TPPP: variants seen among roughly 807,000 people sequenced by gnomAD.
The protein encoded by TPPP is tubulin polymerization promoting protein, also known as tubulin polymerization-promoting protein.
TPPP carries 6 observed loss-of-function variants against 15.5 expected under a neutral mutation model. That is an observed-to-expected ratio of 0.39 (90% CI 0.21 to 0.77). TPPP has a LOEUF of 0.77. TPPP is among the 30% of genes least tolerant of loss of function. TPPP has a pLI of 0.42. For synonymous variants in TPPP, 146 were observed against 133.9 expected (o/e 1.09, Z -0.63); for missense variants, 269 against 307.2 (o/e 0.88, Z 0.93).
chr5:683,457 G>A (rs1376528912), intron 1 of TPPP, among the ~76,000 whole-genome samples: 2 of 152,200 alleles, frequency 1.3e-5, no homozygotes, highest in Non-Finnish European at 1.5e-5. Flanking sequence ...GGCAGGAGCC[G>A]ATGCTCGTGC....
rs1491107685 is a variant in TPPP, at chr5:660,202, C to CAT, written c.*4899_*4900insAT. The stretch of plus-strand genomic sequence containing the variant: ...AATCACACAGTGTAAAAATATATTG[C>CAT]ACATATATATATATATATATATATA... On this transcript the variant is annotated 3_prime_UTR_variant, in exon 4 of 4. Transcript: ENST00000360578. 1 of 108,718 alleles carries CAT rather than the reference C, an allele frequency of 9.2e-6. No individual in the cohort carries two copies. The highest frequency in any genetic ancestry group is 4.5e-5 in the African/African-American group (1 of 22,410). 6.7% of individuals were successfully genotyped at this position (108,718 alleles called of 1,614,324 possible). A position where few individuals can be genotyped will look rare whatever the true frequency, so the allele number is the denominator to read the frequency against.
Position 693,330 on chromosome 5 carries a change from G to T in TPPP, c.-57C>A. 6.7e-6 allele frequency: 1 copy of T among 150,258 alleles called. No individual in the cohort carries two copies. The highest frequency in any genetic ancestry group is 1.8e-4 in the South Asian group (1 of 5,562). The allele number at this position is 150,258 out of a possible 1,614,324, so 9.3% of individuals were successfully genotyped here. On this transcript the variant is annotated 5_prime_UTR_variant, in exon 1 of 4. Coordinates refer to ENST00000360578, the MANE Select transcript of TPPP (RefSeq NM_007030.3). ...GCGCCTCCGCGACTCGGCCGCGCGC[G>T]ACCCGGTGCTCAGCGGAGCTCTCCA...
At chr5:679,367 G>T (rs1347205086) in intron 1 of TPPP, among the ~76,000 whole-genome samples, 1 of 148,756 alleles carries the variant, frequency 6.7e-6, no homozygotes, top group Non-Finnish European at 1.5e-5. Context: ...AGGATGCAGG[G>T]GCAGGATCCT....
upstream of TPPP, among the ~76,000 whole-genome samples, chr5:698,014 G>T (rs544954609): frequency 6.9e-6 from 1 of 144,840 alleles, no homozygotes. Context: ...TCCCAGGGAC[G>T]CAAATCAATA....
chr5:697,224 G>A (rs1325971436), upstream of TPPP, among the ~76,000 whole-genome samples: 8 of 151,284 alleles, frequency 5.3e-5, no homozygotes, highest in Non-Finnish European at 1.0e-4. Context: ...CCCAGAGAAC[G>A]GCAGGTGAGC....
At chr5:686,009 G>A (rs1444607347) in intron 1 of TPPP, among the ~76,000 whole-genome samples, 1 of 152,202 alleles carries the variant, frequency 6.6e-6, no homozygotes, top group Non-Finnish European at 1.5e-5. Flanking sequence ...GTGCCAACAG[G>A]GCTCCCGGAC....
chr5:676,869 CAG>C (rs1437514996), intron 2 of TPPP, among the ~76,000 whole-genome samples: 3 of 148,116 alleles, frequency 2.0e-5, no homozygotes, highest in African/African-American at 7.7e-5. Context: ...ACACACGACG[CAG>C]AAACATGCAC....
Position 665,237 on chromosome 5 carries a change from GGAGCCCGT to G in TPPP, c.517_524del (p.Thr173ProfsTer118). 6.2e-7 allele frequency: 1 copy of G among 1,613,856 alleles called. No homozygotes were observed. Among genetic ancestry groups the G allele is most frequent in the East Asian group, 2.2e-5 (1 of 44,858 alleles). On this transcript the variant is annotated frameshift_variant, in exon 4 of 4. Coordinates refer to ENST00000360578, the MANE Select transcript of TPPP (RefSeq NM_007030.3). LOFTEE classifies it high-confidence loss of function. ...CAGAGGGGTCGAAGCGCTCCTTGTG[GGAGCCCGT>G]GAACTTGGTGGTGTCCGTGAGCCTC...
chr5:681,207 C>A (rs1449107781), intron 1 of TPPP, among the ~76,000 whole-genome samples: 2 of 152,168 alleles, frequency 1.3e-5, no homozygotes, highest in Admixed American at 6.5e-5. Flanking sequence ...CACACCTGAG[C>A]CCTGGGTGCA....
chr5:665,420 G>T, intron 3 of TPPP, 124 bp from the exon 4 acceptor site: 1 of 843,228 alleles, frequency 1.2e-6, no homozygotes, highest in African/African-American at 1.7e-5. Context: ...CATAAACCCT[G>T]GGATTTATGC....
At chr5:666,648 G>T (rs1214098786) in intron 2 of TPPP, among the ~76,000 whole-genome samples, 1 of 152,242 alleles carries the variant, frequency 6.6e-6, no homozygotes, top group Non-Finnish European at 1.5e-5. Context: ...GCCCCGCTGT[G>T]CCCTTGCACT....
At chr5:676,926 G>A (rs575252023) in intron 2 of TPPP, among the ~76,000 whole-genome samples, 60 of 142,086 alleles carry the variant, frequency 4.2e-4, no homozygotes, top group African/African-American at 1.5e-3. Context: ...ACGCAGAAAC[G>A]CACGCGCGCA....
At chr5:676,811 AACACATGC>A (rs777787478) in intron 2 of TPPP, among the ~76,000 whole-genome samples, 6 of 151,864 alleles carry the variant, frequency 4.0e-5, no homozygotes, top group Admixed American at 6.5e-5. Flanking sequence ...CACATGCAGA[AACACATGC>A]ACACATGCGC....
intron 2 of TPPP, among the ~76,000 whole-genome samples, chr5:672,179 G>T (rs763178622): frequency 6.6e-6 from 1 of 152,178 alleles, no homozygotes; most frequent in Non-Finnish European, 1.5e-5. Context: ...CTCCACACTT[G>T]GGGTGACCAC....
rs917701850 is a variant in TPPP at position 667,785 on chromosome 5, C to G, written c.312-1662G>C. ...AGACACGTGCATGCAGACAAGCACACGGAGAGGGGTCCGCGTGGGCCCCAT... is the reference window on the plus strand; with the variant it reads ...AGACACGTGCATGCAGACAAGCACAGGGAGAGGGGTCCGCGTGGGCCCCAT... On this transcript the variant is annotated intron_variant, in intron 2 of 3. Transcript: ENST00000360578. Among the ~76,000 whole-genome samples the G allele has an allele frequency of 4.6e-5, 7 of 151,726 alleles. 1 individual carries two copies. The highest frequency in any genetic ancestry group is 3.9e-4 in the Admixed American group (6 of 15,242).
intron 2 of TPPP, among the ~76,000 whole-genome samples, chr5:676,920 AGAAACGCACGCG>A (rs1430293025): frequency 0.015 from 2,190 of 150,882 alleles, 55 homozygotes; most frequent in African/African-American, 0.05. Flanking sequence ...TACACGACGC[AGAAACGCACGCG>A]CGCACACGAC....
chr5:676,797 C>T (rs935255731), intron 2 of TPPP, among the ~76,000 whole-genome samples: 3 of 149,250 alleles, frequency 2.0e-5, no homozygotes, highest in Non-Finnish European at 2.9e-5. Flanking sequence ...CAGAAACGCA[C>T]GTGCACATGC....
At chr5:676,847 A>AGAAACGCGCACACACGACG (rs1561088278) in intron 2 of TPPP, among the ~76,000 whole-genome samples, 7 of 150,474 alleles carry the variant, frequency 4.7e-5, no homozygotes, top group South Asian at 4.2e-4. Flanking sequence ...CACACACGAC[A>AGAAACGCGCACACACGACG]CAGAAACGCG....
rs1002789093 is a variant in TPPP, at chr5:661,032, T to G, written c.*4070A>C. 11 of 152,446 alleles carry G rather than the reference T, an allele frequency of 7.2e-5. No individual in the cohort carries two copies. The highest frequency in any genetic ancestry group is 2.4e-4 in the African/African-American group (10 of 41,578). The allele number at this position is 152,446 out of a possible 1,614,324, so 9.4% of individuals were successfully genotyped here. On this transcript the variant is annotated 3_prime_UTR_variant, in exon 4 of 4. Coordinates refer to ENST00000360578, the MANE Select transcript of TPPP (RefSeq NM_007030.3). ...CATATAATTTGAACTTTAATTTTGGTAACGCTAATTGTTAGGAACACTACC... is the reference window on the plus strand; with the variant it reads ...CATATAATTTGAACTTTAATTTTGGGAACGCTAATTGTTAGGAACACTACC...
Sources: allele counts gnomAD v4.1 joint callset (sites outside exome capture counted in the v4.1 genomes callset), GRCh38; gene constraint gnomAD v4.1.1; transcripts MANE v1.5; gene names NCBI Gene and HGNC (gene_info 2026-07-23, HGNC 2026-07-21).